The following STK3 variants were observed in gnomAD, a reference collection of about 807,000 sequenced individuals.
STK3 encodes serine/threonine-protein kinase 3.
STK3 carries 41 observed loss-of-function variants against 58.0 expected under a neutral mutation model. That is an observed-to-expected ratio of 0.71 (90% CI 0.55 to 0.92). The LOEUF is 0.92. Ranked by LOEUF, STK3 falls within the 40% of genes least tolerant of loss-of-function variation. The pLI is 0.00. For missense variants in STK3, 479 were observed against 602.7 expected, an observed-to-expected ratio of 0.79 and a Z score of 2.15; for synonymous variants, 170 against 191.0, an observed-to-expected ratio of 0.89 and a Z score of 0.91.
intron 4 of STK3, among the ~76,000 whole-genome samples, chr8:98,722,141 T>C (rs867511517): frequency 1.3e-5 from 2 of 152,302 alleles, no homozygotes; most frequent in South Asian, 4.1e-4. Context: ...AGACTACTAA[T>C]AGAGTAACTC....
intron 1 of STK3, among the ~76,000 whole-genome samples, chr8:98,381,176 G>C (rs574427849): frequency 3.3e-5 from 5 of 151,894 alleles, no homozygotes; most frequent in African/African-American, 1.2e-4. Flanking sequence ...TCACCACGTT[G>C]GCCAGGCTGG....
chr8:98,572,142 C>T (rs983276435), intron 8 of STK3, among the ~76,000 whole-genome samples: 1 of 152,096 alleles, frequency 6.6e-6, no homozygotes, highest in East Asian at 1.9e-4. Flanking sequence ...TAAGCCATAC[C>T]AGCAAACTTA....
chr8:98,479,658 C>A (rs956350572), intron 10 of STK3, among the ~76,000 whole-genome samples: 1 of 152,148 alleles, frequency 6.6e-6, no homozygotes, highest in African/African-American at 2.4e-5. Context: ...ATTCTTCCCC[C>A]TCCACAAGAA....
intron 3 of STK3, among the ~76,000 whole-genome samples, chr8:98,865,632 G>A (rs986118168): frequency 2.0e-5 from 3 of 152,192 alleles, no homozygotes; most frequent in Admixed American, 6.5e-5. Flanking sequence ...TTATAGGCAT[G>A]AGACACCATG....
intron 3 of STK3, among the ~76,000 whole-genome samples, chr8:98,407,369 T>TCC: frequency 6.6e-6 from 1 of 152,218 alleles, no homozygotes; most frequent in South Asian, 2.1e-4. Context: ...TATTCCTACG[T>TCC]CCTTCACCAA....
intron 8 of STK3, among the ~76,000 whole-genome samples, chr8:98,554,341 G>A (rs1336645883): frequency 6.6e-6 from 1 of 152,086 alleles, no homozygotes; most frequent in African/African-American, 2.4e-5. Context: ...ACACGTGTGA[G>A]TCATTTTTCT....
At chr8:98,897,537 G>C (rs1257295095) in intron 1 of STK3, among the ~76,000 whole-genome samples, 1 of 152,160 alleles carries the variant, frequency 6.6e-6, no homozygotes, top group Non-Finnish European at 1.5e-5. Context: ...GGAGCTTGCA[G>C]TGAGCCGAGA....
At chr8:98,583,249 C>T (rs374523984) in intron 7 of STK3, among the ~76,000 whole-genome samples, 260 of 152,014 alleles carry the variant, frequency 1.7e-3, no homozygotes, top group African/African-American at 6.0e-3. Flanking sequence ...AATCATATTC[C>T]TCAAAATTTG....
At chr8:98,748,780 T>G (rs556444162) in intron 4 of STK3, among the ~76,000 whole-genome samples, 1 of 152,044 alleles carries the variant, frequency 6.6e-6, no homozygotes, top group South Asian at 2.1e-4. Context: ...TATAGAAATA[T>G]ATATATTTCT....
rs183451406 is a variant in STK3 at position 98,620,503 on chromosome 8, A to T, written c.685-24334T>A. On this transcript the variant is annotated intron_variant, in intron 6 of 10. Coordinates refer to ENST00000419617, the MANE Select transcript of STK3 (RefSeq NM_006281.4). ...ATAAATAAATAAATAAATAAATAAAAAGGTCAACATCAAAAAAAAAAAGAA... is the reference window on the plus strand; with the variant it reads ...ATAAATAAATAAATAAATAAATAAATAGGTCAACATCAAAAAAAAAAAGAA... Among the ~76,000 whole-genome samples, 482 of 149,260 alleles carry T rather than the reference A, an allele frequency of 3.2e-3. 2 individuals carry two copies. Among genetic ancestry groups the T allele is most frequent in the African/African-American group, 0.011 (459 of 40,390 alleles).
intron 10 of STK3, among the ~76,000 whole-genome samples, chr8:98,518,648 T>C (rs1223323120): frequency 6.6e-6 from 1 of 152,024 alleles, no homozygotes; most frequent in Non-Finnish European, 1.5e-5. Context: ...AGACGGATGG[T>C]CAAAACCTCA....
chr8:98,418,104 A>G (rs10106618), intron 3 of STK3, among the ~76,000 whole-genome samples: 141,696 of 152,188 alleles, frequency 0.93, 66,077 homozygotes, highest in Admixed American at 0.96. Flanking sequence ...TAGAAATGGG[A>G]TCTCATTATA....
At chr8:98,762,238 C>G (rs1009183291) in intron 3 of STK3, among the ~76,000 whole-genome samples, 6 of 152,068 alleles carry the variant, frequency 3.9e-5, no homozygotes, top group African/African-American at 1.4e-4. Flanking sequence ...CAAACCCATT[C>G]TTTTTTGTTT....
intron 10 of STK3, among the ~76,000 whole-genome samples, chr8:98,473,591 A>G (rs188596683): frequency 2.0e-3 from 309 of 152,208 alleles, no homozygotes; most frequent in Non-Finnish European, 3.5e-3. Context: ...CTGGCTTCTG[A>G]TCCCCTAATG....
At chr8:98,605,433 C>CT (rs1008693603) in intron 6 of STK3, among the ~76,000 whole-genome samples, 3,103 of 132,850 alleles carry the variant, frequency 0.023, 61 homozygotes, top group African/African-American at 0.038. Flanking sequence ...GCAAGCACAC[C>CT]TTTTTTTTTT....
At chr8:98,857,658 A>G in intron 3 of STK3, among the ~76,000 whole-genome samples, 1 of 152,248 alleles carries the variant, frequency 6.6e-6, no homozygotes, top group East Asian at 1.9e-4. Context: ...GGAATAATGC[A>G]TTAAAGTCCA....
chr8:98,542,609 A>G (rs2131560031), intron 9 of STK3, among the ~76,000 whole-genome samples: 1 of 152,314 alleles, frequency 6.6e-6, no homozygotes, highest in East Asian at 1.9e-4. Flanking sequence ...CTCTGGTCCC[A>G]GGAAGATATG....
At chr8:98,551,257 G>T (rs1282898841) in intron 8 of STK3, among the ~76,000 whole-genome samples, 1 of 152,030 alleles carries the variant, frequency 6.6e-6, no homozygotes, top group Non-Finnish European at 1.5e-5. Context: ...ATTTACAACC[G>T]GCATTAGACA....
chr8:98,556,659 T>C (rs928977895), intron 8 of STK3, among the ~76,000 whole-genome samples: 1 of 152,010 alleles, frequency 6.6e-6, no homozygotes, highest in African/African-American at 2.4e-5. Flanking sequence ...CATAAGTTGC[T>C]TGGCAAAGGA....
Sources: allele counts gnomAD v4.1 joint callset (sites outside exome capture counted in the v4.1 genomes callset), GRCh38; gene constraint gnomAD v4.1.1; transcripts MANE v1.5; gene names NCBI Gene and HGNC (gene_info 2026-07-23, HGNC 2026-07-21).